MACROD2: variants seen among roughly 807,000 people sequenced by gnomAD.
MACROD2 encodes the protein ADP-ribose glycohydrolase MACROD2.
A neutral mutation model predicts 70.4 loss-of-function variants in MACROD2; 36 were observed. The observed-to-expected ratio is 0.51, with a 90% CI of 0.39 to 0.68. MACROD2 has a LOEUF of 0.68. Ranked by LOEUF, MACROD2 falls within the 30% of genes least tolerant of loss-of-function variation. The pLI is 0.00. For synonymous variants in MACROD2, 172 were observed against 178.8 expected (o/e 0.96, Z 0.30); for missense variants, 496 against 538.4 (o/e 0.92, Z 0.78).
intron 8 of MACROD2, among the ~76,000 whole-genome samples, chr20:15,547,127 A>G (rs2048035691): frequency 6.6e-6 from 1 of 152,198 alleles, no homozygotes; most frequent in South Asian, 2.1e-4. Context: ...GTCTACTTAA[A>G]GCCCATTAGT....
chr20:14,951,661 C>T (rs1385835996), intron 5 of MACROD2, among the ~76,000 whole-genome samples: 2 of 152,016 alleles, frequency 1.3e-5, no homozygotes, highest in Admixed American at 6.6e-5. Context: ...ATAAAGTAAC[C>T]CAGCAACCCA....
chr20:14,708,322 TA>T (rs1600569382), intron 5 of MACROD2, among the ~76,000 whole-genome samples: 2 of 152,180 alleles, frequency 1.3e-5, no homozygotes, highest in African/African-American at 4.8e-5. Flanking sequence ...GTTTCACTTA[TA>T]AACACTCAAC....
intron 13 of MACROD2, among the ~76,000 whole-genome samples, chr20:15,977,940 G>T (rs2147442346): frequency 6.6e-6 from 1 of 152,336 alleles, no homozygotes; most frequent in Admixed American, 6.5e-5. Context: ...TGAGATCACA[G>T]CACTTACTTT....
chr20:15,852,262 T>C (rs1425586956), intron 8 of MACROD2, among the ~76,000 whole-genome samples: 3 of 152,200 alleles, frequency 2.0e-5, no homozygotes, highest in East Asian at 1.9e-4. Context: ...ATTTTTCTTA[T>C]TGAGTTGAAG....
At chr20:15,628,590 C>T (rs540222265) in intron 8 of MACROD2, among the ~76,000 whole-genome samples, 2 of 152,314 alleles carry the variant, frequency 1.3e-5, no homozygotes, top group East Asian at 1.9e-4. Context: ...TGTTGCAGTC[C>T]GTGATTTTGT....
intron 15 of MACROD2, among the ~76,000 whole-genome samples, chr20:15,991,760 A>T (rs1213804848): frequency 6.6e-6 from 1 of 152,112 alleles, no homozygotes; most frequent in African/African-American, 2.4e-5. Flanking sequence ...CAGTTTTACC[A>T]TTTGTTTTCT....
intron 5 of MACROD2, among the ~76,000 whole-genome samples, chr20:14,854,302 C>G (rs1290944925): frequency 6.6e-6 from 1 of 152,138 alleles, no homozygotes; most frequent in Non-Finnish European, 1.5e-5. Context: ...TTAGTGACTA[C>G]TGAATGCTTG....
chr20:15,706,628 T>C (rs2050536430), intron 8 of MACROD2, among the ~76,000 whole-genome samples: 1 of 152,200 alleles, frequency 6.6e-6, no homozygotes, highest in African/African-American at 2.4e-5. Context: ...TTCCAATGCT[T>C]TGTATTACAG....
At chr20:15,530,532 A>G (rs1455301183) in intron 8 of MACROD2, among the ~76,000 whole-genome samples, 3 of 151,970 alleles carry the variant, frequency 2.0e-5, no homozygotes, top group Admixed American at 6.6e-5. Flanking sequence ...GGAAATCGAG[A>G]CCATCCTGGC....
At chr20:14,902,904 T>G (rs1316668846) in intron 5 of MACROD2, among the ~76,000 whole-genome samples, 1 of 152,026 alleles carries the variant, frequency 6.6e-6, no homozygotes, top group Non-Finnish European at 1.5e-5. Flanking sequence ...GAGGGTACCA[T>G]GTAGGAAGTC....
chr20:15,986,545 T>C (rs1282808295), intron 13 of MACROD2, among the ~76,000 whole-genome samples, 182 bp from the exon 14 acceptor site: 1 of 152,216 alleles, frequency 6.6e-6, no homozygotes, highest in Admixed American at 6.5e-5. Flanking sequence ...ATTATCAGGA[T>C]ATTTCTCAGA....
At chr20:15,120,452 TA>T (rs1157553988) in intron 5 of MACROD2, among the ~76,000 whole-genome samples, 1 of 152,158 alleles carries the variant, frequency 6.6e-6, no homozygotes, top group East Asian at 1.9e-4. Flanking sequence ...CTACTTTATG[TA>T]ATATTTTATA....
intron 4 of MACROD2, among the ~76,000 whole-genome samples, chr20:14,520,985 A>ACAC (rs1208227997): frequency 6.6e-6 from 1 of 151,470 alleles, no homozygotes. Context: ...GCACACACAC[A>ACAC]CCCCCCAAAT....
intron 8 of MACROD2, among the ~76,000 whole-genome samples, chr20:15,652,645 C>A (rs377117934): frequency 6.6e-6 from 1 of 152,096 alleles, no homozygotes; most frequent in African/African-American, 2.4e-5. Context: ...GATTAATAAT[C>A]AAGATGTAAA....
At position 15,930,663 on chromosome 20, in the gene MACROD2, A is replaced by G. The variant is rs555224206; in HGVS notation, c.776-2613A>G. On this transcript the variant is annotated intron_variant, in intron 10 of 17. Coordinates refer to ENST00000684519, the MANE Select transcript of MACROD2 (RefSeq NM_001351661.2). ...GCTTCCCCAGGGCAGAAATACTGCAAATAGAAAACAGTGCCGCTGAGACTC... is the reference window on the plus strand; with the variant it reads ...GCTTCCCCAGGGCAGAAATACTGCAGATAGAAAACAGTGCCGCTGAGACTC... 9.8e-5 allele frequency among the ~76,000 whole-genome samples: 15 copies of G among 152,338 alleles called. No individual in the cohort carries two copies. In the South Asian group the frequency reaches 2.9e-3, roughly 29 times the overall value.
At chr20:15,706,623 A>C (rs1258781878) in intron 8 of MACROD2, among the ~76,000 whole-genome samples, 4 of 152,208 alleles carry the variant, frequency 2.6e-5, no homozygotes, top group Non-Finnish European at 5.9e-5. Context: ...GTTAATTCCA[A>C]TGCTTTGTAT....
Position 15,682,253 on chromosome 20 carries a change from TTTC to T in MACROD2, c.646-180486_646-180484del, listed in dbSNP as rs768064863. Reference sequence around the variant, plus strand: ...AAAGTAGGAACCCACATTTCAACCATTTCTTCTTGTTTTTGAGGATTTAATAGG... The same window carrying T: ...AAAGTAGGAACCCACATTTCAACCATTTCTTGTTTTTGAGGATTTAATAGG... On this transcript the variant is annotated intron_variant, in intron 8 of 17. Transcript: ENST00000684519. 3.3e-5 allele frequency among the ~76,000 whole-genome samples: 5 copies of T among 152,160 alleles called. No homozygotes were observed. In the East Asian group the frequency reaches 7.7e-4, roughly 23 times the overall value.
intron 8 of MACROD2, among the ~76,000 whole-genome samples, chr20:15,820,739 G>A (rs2063930225): frequency 6.6e-6 from 1 of 152,116 alleles, no homozygotes; most frequent in South Asian, 2.1e-4. Context: ...CTTGTTTTAA[G>A]TTTTTTATAG....
intron 2 of MACROD2, among the ~76,000 whole-genome samples, chr20:14,057,243 C>T (rs1367197695): frequency 6.6e-6 from 1 of 152,146 alleles, no homozygotes; most frequent in Non-Finnish European, 1.5e-5. Context: ...ACAGGACACA[C>T]AACTCACAGG....
Sources: gnomAD v4.1 joint callset for allele counts (sites outside exome capture counted in the v4.1 genomes callset) on GRCh38, gnomAD v4.1.1 for gene constraint, MANE v1.5 for transcripts, NCBI Gene and HGNC (gene_info 2026-07-23, HGNC 2026-07-21) for gene names.